C8orf34: variants seen among roughly 807,000 people sequenced by gnomAD.
C8orf34 encodes the protein chromosome 8 open reading frame 34.
A neutral mutation model predicts 68.3 loss-of-function variants in C8orf34; 65 were observed. The ratio of observed to expected loss-of-function variants is 0.95; its 90% confidence interval spans 0.78 to 1.17. The LOEUF (loss-of-function observed/expected upper bound fraction) is 1.17, where lower values mean the gene tolerates loss of function less well. Ranked by LOEUF, C8orf34 falls within the 50% of genes most tolerant of loss-of-function variation. The pLI is 0.00. For synonymous variants in C8orf34, 244 were observed against 241.2 expected (o/e 1.01, Z -0.11); for missense variants, 664 against 655.4 (o/e 1.01, Z -0.14).
At chr8:68,509,164 G>T (rs775793295) in intron 5 of C8orf34, among the ~76,000 whole-genome samples, 1 of 152,166 alleles carries the variant, frequency 6.6e-6, no homozygotes. Context: ...TGCTGACAGG[G>T]GGCACTGTGT....
chr8:68,534,347 T>A, intron 7 of C8orf34: 1 of 984,730 alleles, frequency 1.0e-6, no homozygotes, highest in Non-Finnish European at 1.2e-6. Flanking sequence ...AGTGGTAGCT[T>A]CATTCAACAA....
intron 9 of C8orf34, among the ~76,000 whole-genome samples, chr8:68,720,319 A>G (rs1354709434): frequency 2.6e-5 from 4 of 152,022 alleles, no homozygotes; most frequent in South Asian, 2.1e-4. Context: ...TATCAGAGAT[A>G]GAGAGCACTC....
At chr8:68,586,377 T>C (rs1817210594) in intron 7 of C8orf34, among the ~76,000 whole-genome samples, 1 of 152,196 alleles carries the variant, frequency 6.6e-6, no homozygotes, top group Non-Finnish European at 1.5e-5. Flanking sequence ...GTTTGGCCAC[T>C]TCCTTGTTGT....
At chr8:68,717,561 G>A (rs1045606098) in intron 9 of C8orf34, among the ~76,000 whole-genome samples, 4 of 152,082 alleles carry the variant, frequency 2.6e-5, no homozygotes, top group South Asian at 4.1e-4. Context: ...TGGGTGATGG[G>A]ATAAGGAAGG....
intron 5 of C8orf34, among the ~76,000 whole-genome samples, chr8:68,500,316 C>G (rs1212705142): frequency 6.6e-6 from 1 of 152,028 alleles, no homozygotes; most frequent in African/African-American, 2.4e-5. Context: ...AATAACTGGC[C>G]CATACTTTTC....
chr8:68,651,702 G>A (rs970581395), intron 8 of C8orf34, among the ~76,000 whole-genome samples: 1 of 152,074 alleles, frequency 6.6e-6, no homozygotes, highest in African/African-American at 2.4e-5. Context: ...CTAAACACTG[G>A]GTACACATGG....
At chr8:68,519,578 A>G (rs968096953) in intron 5 of C8orf34, among the ~76,000 whole-genome samples, 1 of 152,118 alleles carries the variant, frequency 6.6e-6, no homozygotes, top group Non-Finnish European at 1.5e-5. Context: ...ATTTCATTCA[A>G]TATAACCCTT....
At chr8:68,349,557 C>A (rs2129618456) in intron 1 of C8orf34, among the ~76,000 whole-genome samples, 1 of 151,988 alleles carries the variant, frequency 6.6e-6, no homozygotes, top group Admixed American at 6.6e-5. Flanking sequence ...ATGGCACCAG[C>A]TTTTCTTTGT....
At chr8:68,661,642 A>G (rs1819682649) in intron 8 of C8orf34, among the ~76,000 whole-genome samples, 1 of 152,296 alleles carries the variant, frequency 6.6e-6, no homozygotes, top group Admixed American at 6.5e-5. Context: ...CCCTATTTGT[A>G]TAAAGTTTGA....
intron 4 of C8orf34, among the ~76,000 whole-genome samples, chr8:68,470,656 G>A (rs898411407): frequency 7.2e-5 from 11 of 152,074 alleles, no homozygotes; most frequent in African/African-American, 2.2e-4. Context: ...ATTCTGGAGG[G>A]TGGATGGTCT....
At chr8:68,553,380 A>G (rs1816141626) in intron 7 of C8orf34, among the ~76,000 whole-genome samples, 1 of 131,692 alleles carries the variant, frequency 7.6e-6, no homozygotes, top group South Asian at 2.5e-4. Context: ...GCGAGACTCC[A>G]TCTCAAAAAA....
chr8:68,751,567 T>C (rs1822709743), intron 10 of C8orf34, among the ~76,000 whole-genome samples: 1 of 152,172 alleles, frequency 6.6e-6, no homozygotes, highest in South Asian at 2.1e-4. Context: ...GTTAAAACTC[T>C]TATACACCAC....
chr8:68,665,614 C>T (rs550167530), intron 8 of C8orf34, among the ~76,000 whole-genome samples: 2 of 152,306 alleles, frequency 1.3e-5, no homozygotes, highest in South Asian at 2.1e-4. Context: ...GACCTTCAAG[C>T]TCTTCCTCTA....
chr8:68,428,517 A>G (rs1202793664), intron 1 of C8orf34, among the ~76,000 whole-genome samples: 2 of 152,106 alleles, frequency 1.3e-5, no homozygotes, highest in Non-Finnish European at 2.9e-5. Flanking sequence ...GTGTTAGTCT[A>G]TAATCTCTGG....
At chr8:68,339,969 A>G (rs1245263243) in intron 1 of C8orf34, among the ~76,000 whole-genome samples, 2 of 152,088 alleles carry the variant, frequency 1.3e-5, no homozygotes, top group African/African-American at 4.8e-5. Flanking sequence ...TAAACAACAT[A>G]ATTGAATAAA....
intron 1 of C8orf34, among the ~76,000 whole-genome samples, chr8:68,382,914 G>A (rs1190502230): frequency 6.6e-6 from 1 of 152,066 alleles, no homozygotes; most frequent in Non-Finnish European, 1.5e-5. Context: ...CCGTGCACTG[G>A]CATCCATGCC....
At chr8:68,780,111 A>G (rs1206433448) in intron 11 of C8orf34, among the ~76,000 whole-genome samples, 1 of 152,202 alleles carries the variant, frequency 6.6e-6, no homozygotes, top group Non-Finnish European at 1.5e-5. Context: ...AAATTTAATC[A>G]CTATCCATAG....
chr8:68,517,453 C>T (rs1814568098), intron 5 of C8orf34, among the ~76,000 whole-genome samples: 1 of 152,130 alleles, frequency 6.6e-6, no homozygotes, highest in Non-Finnish European at 1.5e-5. Context: ...CCCCATTTTT[C>T]ACCTGTAAAA....
At chr8:68,777,005 G>T (rs1303367486) in intron 11 of C8orf34, among the ~76,000 whole-genome samples, 1 of 152,198 alleles carries the variant, frequency 6.6e-6, no homozygotes, top group African/African-American at 2.4e-5. Context: ...TGGACTGATG[G>T]CAAACTATTG....
Sources: gnomAD v4.1 joint callset for allele counts (sites outside exome capture counted in the v4.1 genomes callset) on GRCh38, gnomAD v4.1.1 for gene constraint, MANE v1.5 for transcripts, NCBI Gene and HGNC (gene_info 2026-07-23, HGNC 2026-07-21) for gene names.